Variants in MMP26 observed in about 807,000 individuals in gnomAD.
The protein encoded by MMP26 is matrix metalloproteinase-26.
Under a neutral mutation model 31.0 loss-of-function variants are expected in MMP26, and 33 were observed. The ratio of observed to expected loss-of-function variants is 1.06; its 90% CI spans 0.81 to 1.42. MMP26 has a LOEUF of 1.42. Ranked by LOEUF, MMP26 falls within the 40% of genes most tolerant of loss-of-function variation. MMP26 has a pLI of 0.00. For missense variants in MMP26, 347 were observed against 316.1 expected, an observed-to-expected ratio of 1.10 and a Z score of -0.74; for synonymous variants, 122 against 114.9, an observed-to-expected ratio of 1.06 and a Z score of -0.40.
intron 2 of MMP26, among the ~76,000 whole-genome samples, chr11:4,868,808 C>A (rs1425002876): frequency 6.6e-6 from 1 of 152,184 alleles, no homozygotes; most frequent in Non-Finnish European, 1.5e-5. Flanking sequence ...CGCTACCTGA[C>A]TTCAAACTAT....
At chr11:4,875,881 T>A (rs1196888258) in intron 2 of MMP26, 2 of 152,134 alleles carry the variant, frequency 1.3e-5, no homozygotes, top group Admixed American at 1.3e-4. Flanking sequence ...GACTTCTTCC[T>A]CCCTCACTTG....
chr11:4,723,158 TC>T, intron 1 of MMP26: 1 of 1,599,264 alleles, frequency 6.3e-7, no homozygotes, highest in Non-Finnish European at 8.6e-7. Context: ...AATGGCCAGC[TC>T]CCCACGCTGC....
At chr11:4,831,862 A>G (rs570576920) in intron 2 of MMP26, among the ~76,000 whole-genome samples, 2 of 152,222 alleles carry the variant, frequency 1.3e-5, no homozygotes, top group Admixed American at 6.5e-5. Context: ...TCTAGCTAGA[A>G]AATTATTCAG....
intron 1 of MMP26, among the ~76,000 whole-genome samples, chr11:4,748,797 A>C (rs572414390): frequency 6.6e-6 from 1 of 152,180 alleles, no homozygotes; most frequent in African/African-American, 2.4e-5. Flanking sequence ...CATACCTGAA[A>C]ATGATAAAAG....
rs1209844712 is a variant in MMP26, at chr11:4,935,611, A to G, written c.-144-52457A>G. On this transcript the variant is annotated intron_variant, in intron 2 of 7. Transcript: ENST00000380390. ...TGCCCTTGCCAGAACTTCCAACACT[A>G]TGTTGAATAGGAGTGGTGAGAGAGG... Among the ~76,000 whole-genome samples, 31 of 152,052 alleles carry G rather than the reference A, an allele frequency of 2.0e-4. No individual in the cohort carries two copies. The South Asian group carries it at 6.5e-3, about 32-fold the overall frequency.
At chr11:4,943,609 A>C (rs947079181) in intron 2 of MMP26, 2 of 385,742 alleles carry the variant, frequency 5.2e-6, no homozygotes, top group African/African-American at 2.1e-5. Flanking sequence ...AGTCAGTGAC[A>C]CACCCACACC....
chr11:4,824,215 A>G (rs370778292), intron 2 of MMP26, among the ~76,000 whole-genome samples: 89 of 152,224 alleles, frequency 5.8e-4, no homozygotes, highest in African/African-American at 2.0e-3. Flanking sequence ...ATGACTTCCC[A>G]TCATATGGCT....
intron 2 of MMP26, among the ~76,000 whole-genome samples, chr11:4,894,317 T>C (rs779989202): frequency 1.3e-5 from 2 of 152,212 alleles, no homozygotes; most frequent in Non-Finnish European, 2.9e-5. Context: ...ACAGATATTG[T>C]TAAGAACACA....
chr11:4,946,597 C>T (rs1846310675), intron 2 of MMP26: 2 of 1,560,526 alleles, frequency 1.3e-6, no homozygotes, highest in Non-Finnish European at 1.8e-6. Context: ...TGCAATATCT[C>T]AAGTTTCTTA....
At chr11:4,804,294 C>T in intron 2 of MMP26, 1 of 1,614,072 alleles carries the variant, frequency 6.2e-7, no homozygotes, top group South Asian at 1.1e-5. Flanking sequence ...GAAAGGCAAT[C>T]CACAACTGGA....
intron 2 of MMP26, among the ~76,000 whole-genome samples, chr11:4,941,851 C>T (rs998416040): frequency 1.1e-4 from 16 of 151,346 alleles, no homozygotes; most frequent in South Asian, 2.1e-4. Flanking sequence ...TTTGGGAGGC[C>T]GAGGCAGGTG....
chr11:4,752,322 A>C (rs557831768), intron 1 of MMP26: 45 of 152,380 alleles, frequency 3.0e-4, no homozygotes, highest in African/African-American at 1.1e-3. Flanking sequence ...AATGATCAGC[A>C]GATAGGAGAG....
chr11:4,967,005 A>G (rs1018855050), intron 2 of MMP26, among the ~76,000 whole-genome samples: 1 of 152,208 alleles, frequency 6.6e-6, no homozygotes, highest in Non-Finnish European at 1.5e-5. Context: ...TGATAGTGTC[A>G]GGTGATTTGG....
chr11:4,927,308 C>G (rs903967112), intron 2 of MMP26, among the ~76,000 whole-genome samples: 3 of 152,092 alleles, frequency 2.0e-5, no homozygotes, highest in Non-Finnish European at 4.4e-5. Flanking sequence ...CTGTCAAATC[C>G]ACTCTGATTG....
rs1284682665 is a variant in MMP26 at position 4,988,082 on chromosome 11, G to C, written c.-130G>C. The C allele has an allele frequency of 2.6e-6, 2 of 782,324 alleles. No individual in the cohort carries two copies. The highest frequency in any genetic ancestry group is 1.9e-5 in the Admixed American group (1 of 53,428). The allele number at this position is 782,324 out of a possible 1,614,324, so 48.5% of individuals were successfully genotyped here. A position where few individuals can be genotyped will look rare whatever the true frequency, so the allele number is the denominator to read the frequency against. On this transcript the variant is annotated 5_prime_UTR_variant, in exon 3 of 8. Coordinates refer to ENST00000380390, the MANE Select transcript of MMP26 (RefSeq NM_021801.5). ...GCCCTCAGCAGGTATGGATGATGACGCCACTCACAGATTCAAAGAAAGGGC... is the reference window on the plus strand; with the variant it reads ...GCCCTCAGCAGGTATGGATGATGACCCCACTCACAGATTCAAAGAAAGGGC...
Position 4,931,880 on chromosome 11 carries a change from C to G in MMP26, c.-144-56188C>G, listed in dbSNP as rs74052645. 3.1e-3 allele frequency among the ~76,000 whole-genome samples: 474 copies of G among 152,054 alleles called. 2 individuals are homozygous for G. The highest frequency in any genetic ancestry group is 0.01 in the African/African-American group (428 of 41,474). ...AATAGGAATAATTCTCATTTTACTG[C>G]CTTTTAAGGAGGAAGCATGAGGATA... is the stretch of plus-strand genomic sequence containing the variant. On this transcript the variant is annotated intron_variant, in intron 2 of 7. Transcript: ENST00000380390.
chr11:4,885,057 A>G (rs1340053872), intron 2 of MMP26, among the ~76,000 whole-genome samples: 2 of 152,112 alleles, frequency 1.3e-5, no homozygotes, highest in Non-Finnish European at 2.9e-5. Context: ...CTACTACTCA[A>G]AAATGTAGTT....
At chr11:4,751,672 G>A (rs964474491) in intron 1 of MMP26, among the ~76,000 whole-genome samples, 1 of 152,002 alleles carries the variant, frequency 6.6e-6, no homozygotes, top group South Asian at 2.1e-4. Context: ...CATTTAGTTG[G>A]TGCATATGAA....
intron 2 of MMP26, among the ~76,000 whole-genome samples, chr11:4,863,263 A>G (rs147845491): frequency 2.4e-4 from 36 of 151,064 alleles, no homozygotes; most frequent in Non-Finnish European, 3.5e-4. Context: ...TCCATTCTTC[A>G]TCTTCCTTCT....
Sources: gnomAD v4.1 joint callset for allele counts (sites outside exome capture counted in the v4.1 genomes callset) on GRCh38, gnomAD v4.1.1 for gene constraint, MANE v1.5 for transcripts, NCBI Gene and HGNC (gene_info 2026-07-23, HGNC 2026-07-21) for gene names.